Variants in KCNJ3 observed in about 807,000 individuals in gnomAD.
KCNJ3 encodes potassium inwardly rectifying channel subfamily J member 3.
A neutral mutation model predicts 39.2 loss-of-function variants in KCNJ3; 4 were observed. The ratio of observed to expected loss-of-function variants is 0.10; its 90% CI spans 0.05 to 0.23. The LOEUF is 0.23. Ranked by LOEUF, KCNJ3 falls within the 10% of genes least tolerant of loss-of-function variation. KCNJ3 has a pLI of 1.00. For synonymous variants in KCNJ3, 230 were observed against 237.4 expected (o/e 0.97, Z 0.29); for missense variants, 276 against 634.9 (o/e 0.43, Z 6.08).
intron 2 of KCNJ3, among the ~76,000 whole-genome samples, chr2:154,799,720 T>C (rs1302667253): frequency 6.6e-6 from 1 of 152,160 alleles, no homozygotes; most frequent in Non-Finnish European, 1.5e-5. Flanking sequence ...TTTCCTCCTG[T>C]GTGTGTGCAG....
rs542121337 is a variant in KCNJ3 at position 154,785,925 on chromosome 2, G to A, written c.920-68802G>A. Among the ~76,000 whole-genome samples the A allele has an allele frequency of 2.8e-4, 43 of 152,250 alleles. 1 individual carries two copies. Among genetic ancestry groups the A allele is most frequent in the African/African-American group, 9.9e-4 (41 of 41,556 alleles). On this transcript the variant is annotated intron_variant, in intron 2 of 2. Coordinates refer to ENST00000295101, the MANE Select transcript of KCNJ3 (RefSeq NM_002239.4). ...ACTGGGGGTCAGGGCTTCAACATATGAATTTGGAGAGAAAACACAGTTCAG... is the reference window on the plus strand; with the variant it reads ...ACTGGGGGTCAGGGCTTCAACATATAAATTTGGAGAGAAAACACAGTTCAG...
At chr2:154,770,730 T>C (rs1686225946) in intron 2 of KCNJ3, among the ~76,000 whole-genome samples, 1 of 152,122 alleles carries the variant, frequency 6.6e-6, no homozygotes, top group South Asian at 2.1e-4. Flanking sequence ...TGTTACTCCT[T>C]ATTGTAGTCT....
intron 2 of KCNJ3, among the ~76,000 whole-genome samples, chr2:154,735,970 T>A (rs1383621555): frequency 6.6e-6 from 1 of 152,146 alleles, no homozygotes; most frequent in Non-Finnish European, 1.5e-5. Context: ...CATTAAAATC[T>A]GTAATAAGTT....
At chr2:154,811,924 T>G (rs1397953390) in intron 2 of KCNJ3, among the ~76,000 whole-genome samples, 1 of 152,158 alleles carries the variant, frequency 6.6e-6, no homozygotes, top group African/African-American at 2.4e-5. Context: ...AAAAGATACT[T>G]AAAGCCTCCT....
At chr2:154,748,942 C>A (rs1022329097) in intron 2 of KCNJ3, among the ~76,000 whole-genome samples, 1 of 152,128 alleles carries the variant, frequency 6.6e-6, no homozygotes, top group Non-Finnish European at 1.5e-5. Context: ...TTGCAAGGCA[C>A]TTTGCAAGTT....
intron 2 of KCNJ3, among the ~76,000 whole-genome samples, chr2:154,850,894 G>A (rs1398688834): frequency 3.9e-5 from 6 of 152,114 alleles, no homozygotes; most frequent in Non-Finnish European, 8.8e-5. Flanking sequence ...GGAAATATCA[G>A]TAATGTAACT....
intron 2 of KCNJ3, among the ~76,000 whole-genome samples, chr2:154,729,655 G>A (rs1050366467): frequency 2.6e-5 from 4 of 152,118 alleles, no homozygotes; most frequent in African/African-American, 9.7e-5. Flanking sequence ...GATAACAAAA[G>A]TTAATTATCA....
At chr2:154,838,137 A>C (rs2105126710) in intron 2 of KCNJ3, among the ~76,000 whole-genome samples, 1 of 152,312 alleles carries the variant, frequency 6.6e-6, no homozygotes, top group African/African-American at 2.4e-5. Flanking sequence ...AAGACAAATT[A>C]AGATGGAGAA....
At chr2:154,845,985 G>A (rs1687657466) in intron 2 of KCNJ3, among the ~76,000 whole-genome samples, 1 of 151,638 alleles carries the variant, frequency 6.6e-6, no homozygotes, top group African/African-American at 2.4e-5. Context: ...AAAAAAAAAG[G>A]AAGTGAATTT....
intron 2 of KCNJ3, among the ~76,000 whole-genome samples, chr2:154,778,666 T>C: frequency 6.6e-6 from 1 of 152,210 alleles, no homozygotes; most frequent in East Asian, 1.9e-4. Flanking sequence ...ATAATTTTTA[T>C]TTAATTATTA....
chr2:154,819,613 C>T lies in KCNJ3; in HGVS notation c.920-35114C>T, dbSNP rs551095790. ...TGGCATGATCTCGGCTCACTGCAAC[C>T]TCTGCCTCCCGGGTTCAAGCTATTC... is the stretch of plus-strand genomic sequence containing the variant. On this transcript the variant is annotated intron_variant, in intron 2 of 2. Coordinates refer to ENST00000295101, the MANE Select transcript of KCNJ3 (RefSeq NM_002239.4). Among the ~76,000 whole-genome samples, 32 of 152,034 alleles carry T rather than the reference C, an allele frequency of 2.1e-4. 1 individual carries two copies. The East Asian group carries it at 3.3e-3, about 16-fold the overall frequency.
intron 2 of KCNJ3, among the ~76,000 whole-genome samples, chr2:154,797,973 C>G (rs1686749672): frequency 6.6e-6 from 1 of 152,030 alleles, no homozygotes; most frequent in Admixed American, 6.6e-5. Context: ...AAATTTTATA[C>G]TTATTGAACA....
chr2:154,797,649 T>A (rs1437090968), intron 2 of KCNJ3, among the ~76,000 whole-genome samples: 4 of 152,084 alleles, frequency 2.6e-5, no homozygotes, highest in Admixed American at 2.6e-4. Context: ...TATATATAAA[T>A]ATATTCATAT....
At chr2:154,779,310 G>T (rs1686392646) in intron 2 of KCNJ3, among the ~76,000 whole-genome samples, 1 of 151,518 alleles carries the variant, frequency 6.6e-6, no homozygotes, top group Non-Finnish European at 1.5e-5. Context: ...ACATGAGATG[G>T]TGCTTAGGAA....
chr2:154,771,342 T>G (rs1004136578), intron 2 of KCNJ3, among the ~76,000 whole-genome samples: 3 of 152,096 alleles, frequency 2.0e-5, no homozygotes, highest in African/African-American at 7.2e-5. Context: ...AGAAAATAAA[T>G]TTGGATTCAT....
At chr2:154,812,370 A>G (rs1687020449) in intron 2 of KCNJ3, among the ~76,000 whole-genome samples, 2 of 152,174 alleles carry the variant, frequency 1.3e-5, no homozygotes, top group South Asian at 2.1e-4. Flanking sequence ...CACAGAATAT[A>G]TCCAACTTTT....
intron 2 of KCNJ3, among the ~76,000 whole-genome samples, chr2:154,757,425 A>AT (rs1259603804): frequency 6.6e-6 from 1 of 152,118 alleles, no homozygotes; most frequent in Non-Finnish European, 1.5e-5. Context: ...ATAAAATACA[A>AT]TTTTTACTCA....
chr2:154,742,965 G>T (rs1267307001), intron 2 of KCNJ3, among the ~76,000 whole-genome samples: 5 of 151,682 alleles, frequency 3.3e-5, no homozygotes, highest in Non-Finnish European at 7.4e-5. Flanking sequence ...GTAAGCTATT[G>T]CCATGTGTTT....
chr2:154,845,876 A>C (rs1687655483), intron 2 of KCNJ3, among the ~76,000 whole-genome samples: 1 of 150,706 alleles, frequency 6.6e-6, no homozygotes, highest in South Asian at 2.1e-4. Flanking sequence ...AGGCTGAGGC[A>C]GGAGAATCAC....
Sources: allele counts gnomAD v4.1 joint callset (sites outside exome capture counted in the v4.1 genomes callset), GRCh38; gene constraint gnomAD v4.1.1; transcripts MANE v1.5; gene names NCBI Gene and HGNC (gene_info 2026-07-23, HGNC 2026-07-21).